FAM110B: variants seen among roughly 807,000 people sequenced by gnomAD.
FAM110B encodes the protein family with sequence similarity 110 member B, also known as protein FAM110B.
FAM110B carries 6 observed loss-of-function variants against 20.4 expected under a neutral mutation model. That is an observed-to-expected ratio of 0.29 (90% confidence interval 0.16 to 0.58). The LOEUF is 0.58. Ranked by LOEUF, FAM110B falls within the 20% of genes least tolerant of loss-of-function variation. The pLI is 0.90. For missense variants in FAM110B, 434 were observed against 498.2 expected, an observed-to-expected ratio of 0.87 and a Z score of 1.23; for synonymous variants, 226 against 214.1, an observed-to-expected ratio of 1.06 and a Z score of -0.49.
intron 3 of FAM110B, among the ~76,000 whole-genome samples, chr8:58,089,896 G>C (rs577391910): frequency 6.6e-6 from 1 of 152,270 alleles, no homozygotes; most frequent in South Asian, 2.1e-4. Context: ...CATGCAGTAT[G>C]ATTTCTGTCC....
rs1803923836 is a variant in FAM110B, at chr8:58,148,466, A to G, written c.*1123A>G. 6.0e-6 allele frequency: 1 copy of G among 167,078 alleles called. No homozygotes were observed. The highest frequency in any genetic ancestry group is 6.5e-5 in the Admixed American group (1 of 15,286). The allele number at this position is 167,078 out of a possible 1,614,324, so 10.3% of individuals were successfully genotyped here. On this transcript the variant is annotated 3_prime_UTR_variant, in exon 4 of 4. Transcript: ENST00000519262. The stretch of plus-strand genomic sequence containing the variant: ...AAACTGTAGAAATACAATGCTATGT[A>G]GCTTTTCCACCCCATGGTCTCTAGT...
intron 3 of FAM110B, among the ~76,000 whole-genome samples, chr8:58,130,512 G>A (rs1247387624): frequency 6.6e-6 from 1 of 152,114 alleles, no homozygotes; most frequent in Non-Finnish European, 1.5e-5. Context: ...TTTTCCCTTA[G>A]AATCCAACTA....
chr8:58,101,408 C>G (rs78707217), intron 3 of FAM110B, among the ~76,000 whole-genome samples: 3,226 of 152,294 alleles, frequency 0.021, 115 homozygotes, highest in African/African-American at 0.072. Flanking sequence ...TATTTCTAAT[C>G]ATCCTAGCTT....
chr8:58,131,016 A>G (rs1349698709), intron 3 of FAM110B, among the ~76,000 whole-genome samples: 2 of 152,106 alleles, frequency 1.3e-5, no homozygotes, highest in Admixed American at 1.3e-4. Flanking sequence ...ACAGCAATCC[A>G]TATAGGCACA....
chr8:58,080,543 G>A (rs538651374), intron 3 of FAM110B, among the ~76,000 whole-genome samples: 10 of 152,238 alleles, frequency 6.6e-5, no homozygotes, highest in South Asian at 4.1e-4. Flanking sequence ...AGGTGTGGAC[G>A]CAGAAAGCAC....
intron 2 of FAM110B, among the ~76,000 whole-genome samples, chr8:58,056,918 A>G (rs1367519484): frequency 2.0e-5 from 3 of 151,916 alleles, no homozygotes; most frequent in African/African-American, 4.8e-5. Context: ...TGCCTCAGGG[A>G]CTCAGGTGGG....
intron 1 of FAM110B, among the ~76,000 whole-genome samples, chr8:57,997,643 G>A (rs1804212545): frequency 6.6e-6 from 1 of 152,220 alleles, no homozygotes; most frequent in Non-Finnish European, 1.5e-5. Flanking sequence ...CTCCTGGTAT[G>A]ATGCAGTGAG....
chr8:58,002,764 A>T (rs1804324051), intron 1 of FAM110B, among the ~76,000 whole-genome samples: 1 of 152,194 alleles, frequency 6.6e-6, no homozygotes, highest in Non-Finnish European at 1.5e-5. Context: ...TAATTAAAAT[A>T]CTTTATTGCT....
chr8:58,049,265 G>A (rs184719470), intron 2 of FAM110B, among the ~76,000 whole-genome samples: 1 of 152,218 alleles, frequency 6.6e-6, no homozygotes, highest in Admixed American at 6.5e-5. Flanking sequence ...CCCTTTGCAT[G>A]GATGGATGAA....
chr8:58,007,408 T>A (rs1304871101), intron 1 of FAM110B, among the ~76,000 whole-genome samples: 1 of 152,162 alleles, frequency 6.6e-6, no homozygotes, highest in East Asian at 1.9e-4. Context: ...CAAAGATACG[T>A]CTTTTTAGTT....
intron 1 of FAM110B, among the ~76,000 whole-genome samples, chr8:58,026,751 T>C (rs1804863116): frequency 6.6e-6 from 1 of 152,220 alleles, no homozygotes; most frequent in South Asian, 2.1e-4. Context: ...GAGGTAAAGG[T>C]AGTGCAGATG....
intron 1 of FAM110B, among the ~76,000 whole-genome samples, chr8:58,005,793 C>T (rs994940070): frequency 5.9e-5 from 9 of 152,174 alleles, no homozygotes; most frequent in African/African-American, 1.9e-4. Flanking sequence ...GCAGTTACTT[C>T]GTACAATTAC....
chr8:57,998,566 A>G (rs905820943), intron 1 of FAM110B, among the ~76,000 whole-genome samples: 4 of 152,214 alleles, frequency 2.6e-5, no homozygotes, highest in Non-Finnish European at 4.4e-5. Context: ...TGTACTGAAA[A>G]CATTATAGAA....
chr8:58,008,946 T>C (rs539912979), intron 1 of FAM110B, among the ~76,000 whole-genome samples: 2 of 152,344 alleles, frequency 1.3e-5, no homozygotes, highest in African/African-American at 4.8e-5. Context: ...GGCTCCTCTC[T>C]ATTTCTGGGT....
At position 58,031,652 on chromosome 8, in the gene FAM110B, G is replaced by A. The variant is rs539360976; in HGVS notation, c.-465G>A. ...AGAGCAGCATTCTTGTTCTGTCTAC[G>A]TCTTGAATTAGAAACTATCAAGCTC... On this transcript the variant is annotated 5_prime_UTR_variant, in exon 2 of 4. Coordinates refer to ENST00000519262, the MANE Select transcript of FAM110B (RefSeq NM_001377989.1). 13 of 152,138 alleles carry A rather than the reference G, an allele frequency of 8.5e-5. No individual in the cohort carries two copies. The highest frequency in any genetic ancestry group is 9.6e-5 in the African/African-American group (4 of 41,496). The allele number at this position is 152,138 out of a possible 1,614,324, so 9.4% of individuals were successfully genotyped here.
At chr8:58,129,436 C>T (rs1379442882) in intron 3 of FAM110B, among the ~76,000 whole-genome samples, 1 of 152,248 alleles carries the variant, frequency 6.6e-6, no homozygotes, top group Admixed American at 6.5e-5. Flanking sequence ...GAAACATCCA[C>T]CTCTCGATAA....
chr8:58,097,912 GCCTGTT>G (rs1019226420), intron 3 of FAM110B, among the ~76,000 whole-genome samples: 3 of 152,230 alleles, frequency 2.0e-5, no homozygotes, highest in African/African-American at 7.2e-5. Flanking sequence ...AAAGATTGCT[GCCTGTT>G]CCTTTCTCTG....
chr8:58,099,751 A>G (rs1806731725), intron 3 of FAM110B, among the ~76,000 whole-genome samples: 1 of 152,240 alleles, frequency 6.6e-6, no homozygotes, highest in Non-Finnish European at 1.5e-5. Context: ...CTTTTAGAGT[A>G]GATCTCACCT....
intron 3 of FAM110B, among the ~76,000 whole-genome samples, chr8:58,090,736 T>G (rs915200199): frequency 6.6e-6 from 1 of 152,144 alleles, no homozygotes; most frequent in African/African-American, 2.4e-5. Context: ...TTCAGATAAT[T>G]CCTTTAAGCA....
Sources: gnomAD v4.1 joint callset for allele counts (sites outside exome capture counted in the v4.1 genomes callset) on GRCh38, gnomAD v4.1.1 for gene constraint, MANE v1.5 for transcripts, NCBI Gene and HGNC (gene_info 2026-07-23, HGNC 2026-07-21) for gene names.